The following NMI variants were observed in gnomAD, a reference collection of about 807,000 sequenced individuals.
NMI encodes the protein N-myc and STAT interactor.
Under a neutral mutation model 34.3 loss-of-function variants are expected in NMI, and 39 were observed. That is an observed-to-expected ratio of 1.14 (90% CI 0.88 to 1.49). NMI has a LOEUF of 1.49. Ranked by LOEUF, NMI falls within the 40% of genes most tolerant of loss-of-function variation. The pLI is 0.00. For missense variants in NMI, 339 were observed against 358.1 expected (o/e 0.95, Z 0.43); for synonymous variants, 113 against 120.3 (o/e 0.94, Z 0.40).
intron 3 of NMI, 68 bp downstream of exon 3, chr2:151,281,880 T>A: frequency 2.5e-6 from 2 of 797,258 alleles, no homozygotes; most frequent in South Asian, 3.1e-5. Context: ...TTTTGTGTAA[T>A]TAAAATGCTT....
intron 6 of NMI, among the ~76,000 whole-genome samples, chr2:151,272,546 A>T (rs1018379229): frequency 6.6e-6 from 1 of 152,212 alleles, no homozygotes; most frequent in African/African-American, 2.4e-5. Flanking sequence ...ATAGAACATG[A>T]TATGATCCAG....
intron 1 of NMI, among the ~76,000 whole-genome samples, chr2:151,284,884 C>G (rs919659764): frequency 5.9e-4 from 90 of 152,072 alleles, no homozygotes; most frequent in African/African-American, 9.7e-5. Flanking sequence ...AAATAGAAGA[C>G]TAGCAAAAAC....
At chr2:151,282,979 A>G (rs10182245) in intron 1 of NMI, 25 bp from the exon 2 acceptor site, 702,427 of 1,218,620 alleles carry the variant, frequency 0.58, 204,399 homozygotes, top group Admixed American at 0.68. Context: ...AATAAATATT[A>G]TAAGCATAGC....
chr2:151,271,968 CA>C (rs1169914319), intron 6 of NMI, among the ~76,000 whole-genome samples: 1 of 152,170 alleles, frequency 6.6e-6, no homozygotes, highest in Non-Finnish European at 1.5e-5. Context: ...TCACTGCAGT[CA>C]ATCAATGCAC....
intron 1 of NMI, among the ~76,000 whole-genome samples, chr2:151,287,266 G>GATAT (rs141061587): frequency 2.7e-5 from 4 of 149,186 alleles, no homozygotes; most frequent in African/African-American, 4.9e-5. Context: ...GCCTTGAGAC[G>GATAT]ATATATATAT....
intron 3 of NMI, among the ~76,000 whole-genome samples, chr2:151,279,769 C>G (rs989354384): frequency 6.6e-6 from 1 of 152,108 alleles, no homozygotes; most frequent in Non-Finnish European, 1.5e-5. Context: ...AGCCACCACA[C>G]CTGGCCCAGA....
In NMI at chr2:151,278,833, T is replaced by C; in HGVS notation, c.335A>G (p.Glu112Gly). 6.2e-7 allele frequency: 1 copy of C among 1,612,732 alleles called. No homozygotes were observed. The highest frequency in any genetic ancestry group is 8.5e-7 in the Non-Finnish European group (1 of 1,179,180). ...KGQALITFEK[E>G]EVAQNVVSMS... ...TTTTTTAACATTAGTCATACCTTCTTCTTTTTCAAAGGTGATAAGTGCTTG... is the reference window on the plus strand; with the variant it reads ...TTTTTTAACATTAGTCATACCTTCTCCTTTTTCAAAGGTGATAAGTGCTTG... Residue 112 changes from glutamate (E) to glycine (G), a missense_variant, in exon 4 of 8, where the codon GAA becomes GGA. Transcript: ENST00000243346.
In NMI at chr2:151,283,382, A is replaced by AC. The variant is rs1217065483; in HGVS notation, c.-6-429dup. Among the ~76,000 whole-genome samples the AC allele has an allele frequency of 3.3e-5, 5 of 151,470 alleles. No individual in the cohort carries two copies. In the East Asian group the frequency reaches 9.7e-4, roughly 29 times the overall value. On this transcript the variant is annotated intron_variant, in intron 1 of 7. Transcript: ENST00000243346. ...GTCTTGAACTCTTGTCAAGTGATGC[A>AC]CCCCCCTCGGCCTCCCAAAGTGCTG... is the stretch of plus-strand genomic sequence containing the variant.
intron 2 of NMI, 73 bp downstream of exon 2, chr2:151,282,795 A>G: frequency 1.3e-6 from 1 of 786,686 alleles, no homozygotes; most frequent in Non-Finnish European, 2.0e-6. Context: ...ACAAAGACAT[A>G]CAAAACATGC....
At chr2:151,284,617 T>C (rs971725716) in intron 1 of NMI, among the ~76,000 whole-genome samples, 9 of 152,120 alleles carry the variant, frequency 5.9e-5, no homozygotes, top group Admixed American at 1.3e-4. Flanking sequence ...TGTTTTTTTT[T>C]TGGAGAAAGG....
intron 4 of NMI, 116 bp downstream of exon 4, chr2:151,278,712 C>A: frequency 1.3e-6 from 1 of 788,722 alleles, no homozygotes; most frequent in Middle Eastern, 3.6e-4. Flanking sequence ...TGCCTCAGAA[C>A]GTCACTATGA....
rs554781538 is a variant in NMI at position 151,270,592 on chromosome 2, A to G, written c.*101T>C. On this transcript the variant is annotated 3_prime_UTR_variant, in exon 8 of 8. Coordinates refer to ENST00000243346, the MANE Select transcript of NMI (RefSeq NM_004688.3). ...GTATCTAAACATAAATGGATGGTAA[A>G]AATTAAAGTTTTCATTTTTTAAGGA... 1 of 952,624 alleles carries G rather than the reference A, an allele frequency of 1.0e-6. No homozygotes were observed. The highest frequency in any genetic ancestry group is 1.7e-5 in the African/African-American group (1 of 60,254). 59.0% of individuals were successfully genotyped at this position (952,624 alleles called of 1,614,324 possible).
chr2:151,273,356 A>T (rs1406185898), intron 6 of NMI, among the ~76,000 whole-genome samples: 2 of 152,210 alleles, frequency 1.3e-5, no homozygotes, highest in African/African-American at 4.8e-5. Context: ...ATCCTTCAGT[A>T]GTTACCTGCT....
At chr2:151,279,113 T>C in intron 3 of NMI, 123 bp from the exon 4 acceptor site, 1 of 632,098 alleles carries the variant, frequency 1.6e-6, no homozygotes, top group Non-Finnish European at 2.7e-6. Context: ...TTGTAGAATA[T>C]TGAGTATGGT....
chr2:151,282,811 T>C (rs1264727952), intron 2 of NMI, 57 bp downstream of exon 2: 3 of 947,452 alleles, frequency 3.2e-6, no homozygotes, highest in African/African-American at 3.4e-5. Flanking sequence ...CATGCCTTAC[T>C]GCAAAACTAA....
At chr2:151,278,241 A>T (rs1683324402) in intron 4 of NMI, 1 of 152,576 alleles carries the variant, frequency 6.6e-6, no homozygotes, top group Non-Finnish European at 1.5e-5. Context: ...TCAAAGCCAG[A>T]TCCTCCCCAC....
At chr2:151,283,072 T>C in intron 1 of NMI, 118 bp from the exon 2 acceptor site, 1 of 474,024 alleles carries the variant, frequency 2.1e-6, no homozygotes, top group Non-Finnish European at 3.7e-6. Context: ...TATATCTTTT[T>C]TTCCCATCAT....
intron 6 of NMI, among the ~76,000 whole-genome samples, chr2:151,273,981 T>G (rs965692750): frequency 3.3e-5 from 5 of 152,068 alleles, no homozygotes; most frequent in African/African-American, 1.2e-4. Flanking sequence ...CAAGACCCCT[T>G]CCTTTTATAG....
At chr2:151,274,510 C>G (rs1376742116) in intron 6 of NMI, among the ~76,000 whole-genome samples, 2 of 148,000 alleles carry the variant, frequency 1.4e-5, no homozygotes, top group Admixed American at 6.7e-5. Context: ...GAGTCTCACT[C>G]TGTCGCCCAA....
Sources: gnomAD v4.1 joint callset for allele counts (sites outside exome capture counted in the v4.1 genomes callset) on GRCh38, gnomAD v4.1.1 for gene constraint, MANE v1.5 for transcripts, NCBI Gene and HGNC (gene_info 2026-07-23, HGNC 2026-07-21) for gene names.